The following KHDRBS3 variants were observed in gnomAD, a reference collection of about 807,000 sequenced individuals.
KHDRBS3 encodes KH RNA binding domain containing, signal transduction associated 3.
In KHDRBS3, 23 loss-of-function variants were observed where a neutral mutation model predicts 45.6. The ratio of observed to expected loss-of-function variants is 0.50; its 90% CI spans 0.36 to 0.72. The LOEUF is 0.72. KHDRBS3 is among the 30% of genes least tolerant of loss of function. KHDRBS3 has a pLI of 0.00. For synonymous variants in KHDRBS3, 162 were observed against 156.5 expected (o/e 1.04, Z -0.26); for missense variants, 352 against 424.8 (o/e 0.83, Z 1.51).
chr8:135,565,916 A>C (rs957911611), intron 5 of KHDRBS3, among the ~76,000 whole-genome samples: 11 of 152,170 alleles, frequency 7.2e-5, no homozygotes, highest in Non-Finnish European at 1.6e-4. Flanking sequence ...CAGTAACTTC[A>C]AGTAATTGCT....
chr8:135,473,036 GTTT>G (rs5895311), intron 1 of KHDRBS3, among the ~76,000 whole-genome samples: 5 of 142,552 alleles, frequency 3.5e-5, no homozygotes, highest in Admixed American at 6.9e-5. Context: ...TATTTGAAAA[GTTT>G]TTTTTTTTTT....
intron 7 of KHDRBS3, chr8:135,625,698 T>A (rs1394019686): frequency 1.3e-6 from 1 of 792,442 alleles, no homozygotes; most frequent in African/African-American, 1.7e-5. Flanking sequence ...TTTTACTAAT[T>A]TGTCCACAGG....
At chr8:135,598,993 A>T (rs527465643) in intron 6 of KHDRBS3, among the ~76,000 whole-genome samples, 3 of 152,344 alleles carry the variant, frequency 2.0e-5, no homozygotes, top group Middle Eastern at 6.8e-3. Flanking sequence ...ATTTTTCCTG[A>T]GTTTAAATGT....
At chr8:135,600,334 G>A (rs1188961365) in intron 6 of KHDRBS3, among the ~76,000 whole-genome samples, 1 of 152,198 alleles carries the variant, frequency 6.6e-6, no homozygotes, top group African/African-American at 2.4e-5. Flanking sequence ...TACGGTCTCT[G>A]ACTAGTCCAG....
chr8:135,495,173 T>C (rs1331817662), intron 1 of KHDRBS3, among the ~76,000 whole-genome samples: 1 of 152,200 alleles, frequency 6.6e-6, no homozygotes, highest in African/African-American at 2.4e-5. Context: ...GATTGTTTTC[T>C]TCCTGCTTTC....
At position 135,643,434 on chromosome 8, in the gene KHDRBS3, A is replaced by G. The variant is rs117991040; in HGVS notation, c.891-1625A>G. ...CATGCTGTCGTGGGAAACCAACCTC[A>G]CTCAGGGATACCAGCAAGGTTCTCT... On this transcript the variant is annotated intron_variant, in intron 7 of 8. Coordinates refer to ENST00000355849, the MANE Select transcript of KHDRBS3 (RefSeq NM_006558.3). Among the ~76,000 whole-genome samples, 671 of 152,098 alleles carry G rather than the reference A, an allele frequency of 4.4e-3. 4 individuals carry two copies. Among genetic ancestry groups the G allele is most frequent in the Middle Eastern group, 0.01 (3 of 294 alleles).
intron 1 of KHDRBS3, among the ~76,000 whole-genome samples, chr8:135,508,627 G>A: frequency 6.6e-6 from 1 of 152,126 alleles, no homozygotes; most frequent in East Asian, 1.9e-4. Context: ...TCCTTTTTCA[G>A]TCTTTAATAG....
chr8:135,494,282 T>TTTA (rs1554616956), intron 1 of KHDRBS3, among the ~76,000 whole-genome samples: 4 of 133,574 alleles, frequency 3.0e-5, no homozygotes, highest in Non-Finnish European at 6.4e-5. Flanking sequence ...TATTTTTTTT[T>TTTA]TTTTTTTTTT....
downstream of KHDRBS3, among the ~76,000 whole-genome samples, chr8:135,650,509 G>T (rs1014849962): frequency 1.3e-5 from 2 of 152,150 alleles, no homozygotes; most frequent in African/African-American, 2.4e-5. Flanking sequence ...CCATAAGAAG[G>T]TATCATCTAC....
chr8:135,628,066 A>C (rs1183597395), intron 7 of KHDRBS3, among the ~76,000 whole-genome samples: 2 of 152,050 alleles, frequency 1.3e-5, no homozygotes, highest in Non-Finnish European at 2.9e-5. Context: ...TTCTGCTTGG[A>C]ATGATTTTTT....
At chr8:135,636,685 CCGT>C (rs1180383143) in intron 7 of KHDRBS3, among the ~76,000 whole-genome samples, 2 of 152,176 alleles carry the variant, frequency 1.3e-5, no homozygotes, top group Non-Finnish European at 2.9e-5. Context: ...TGCAGCCTTC[CCGT>C]CAACTGAATC....
downstream of KHDRBS3, among the ~76,000 whole-genome samples, chr8:135,650,604 G>C (rs924179501): frequency 3.9e-5 from 6 of 152,170 alleles, no homozygotes; most frequent in African/African-American, 1.4e-4. Flanking sequence ...GTAGAGCCCG[G>C]ATTTGAACCG....
At chr8:135,460,723 A>G (rs1821386486) in intron 1 of KHDRBS3, among the ~76,000 whole-genome samples, 1 of 152,224 alleles carries the variant, frequency 6.6e-6, no homozygotes, top group Non-Finnish European at 1.5e-5. Flanking sequence ...TGAAGAAGCA[A>G]ACATTCACGG....
chr8:135,536,112 A>G (rs892079742), intron 2 of KHDRBS3, among the ~76,000 whole-genome samples: 6 of 152,052 alleles, frequency 3.9e-5, no homozygotes, highest in Admixed American at 6.5e-5. Context: ...CTCTCATGCT[A>G]GCCCACCCCA....
chr8:135,516,449 A>G (rs1427998506), intron 1 of KHDRBS3, among the ~76,000 whole-genome samples: 1 of 152,258 alleles, frequency 6.6e-6, no homozygotes, highest in Non-Finnish European at 1.5e-5. Context: ...TTTCAGCTTC[A>G]TTATAATCTT....
In KHDRBS3 at chr8:135,457,790, C is replaced by G; in HGVS notation, c.-77C>G. 1 of 810,358 alleles carries G rather than the reference C, an allele frequency of 1.2e-6. No individual in the cohort carries two copies. The highest frequency in any genetic ancestry group is 3.2e-5 in the South Asian group (1 of 31,630). 50.2% of individuals were successfully genotyped at this position (810,358 alleles called of 1,614,324 possible). A position where few individuals can be genotyped will look rare whatever the true frequency, so the allele number is the denominator to read the frequency against. ...CCCCGGGTCCCCGCCGCTGGGGGCG[C>G]GGGCGGGGTCGGGGGTTGCCGGGCG... is the stretch of plus-strand genomic sequence containing the variant. On this transcript the variant is annotated 5_prime_UTR_variant, in exon 1 of 9. Coordinates refer to ENST00000355849, the MANE Select transcript of KHDRBS3 (RefSeq NM_006558.3). The surrounding 1 kb of genome is among the most constrained non-coding windows in gnomAD (Gnocchi z 4.4).
At chr8:135,552,510 CT>C (rs1260409890) in intron 4 of KHDRBS3, among the ~76,000 whole-genome samples, 1 of 152,148 alleles carries the variant, frequency 6.6e-6, no homozygotes, top group East Asian at 1.9e-4. Context: ...TTTTCTCCCC[CT>C]GAGTATAGGT....
intron 1 of KHDRBS3, among the ~76,000 whole-genome samples, chr8:135,508,405 A>T (rs1824114603): frequency 6.6e-6 from 1 of 152,198 alleles, no homozygotes; most frequent in African/African-American, 2.4e-5. Flanking sequence ...TAATGAGTGC[A>T]GTCTGAACAG....
chr8:135,487,491 A>G (rs1822922613), intron 1 of KHDRBS3, among the ~76,000 whole-genome samples: 1 of 152,220 alleles, frequency 6.6e-6, no homozygotes, highest in African/African-American at 2.4e-5. Flanking sequence ...CAAGATGTAC[A>G]TAGACATGAA....
Sources: gnomAD v4.1 joint callset for allele counts (sites outside exome capture counted in the v4.1 genomes callset) on GRCh38, gnomAD v4.1.1 for gene constraint, Gnocchi (gnomAD v3.1) non-coding constraint, MANE v1.5 for transcripts, NCBI Gene and HGNC (gene_info 2026-07-23, HGNC 2026-07-21) for gene names.